Variants in BTBD9 observed in about 807,000 individuals in gnomAD.
BTBD9 encodes BTB domain containing 9, also known as BTB/POZ domain-containing protein 9.
A neutral mutation model predicts 64.3 loss-of-function variants in BTBD9; 49 were observed. That is an observed-to-expected ratio of 0.76 (90% confidence interval 0.61 to 0.97). The LOEUF is 0.97. BTBD9 is among the 50% of genes least tolerant of loss of function. The pLI, the probability that BTBD9 is intolerant of heterozygous loss-of-function variation, is 0.00. For missense variants in BTBD9, 598 were observed against 762.1 expected, an observed-to-expected ratio of 0.78 and a Z score of 2.53; for synonymous variants, 260 against 274.7, an observed-to-expected ratio of 0.95 and a Z score of 0.53.
At chr6:38,622,570 A>G (rs1739627) in intron 1 of BTBD9, among the ~76,000 whole-genome samples, 99,762 of 152,032 alleles carry the variant, frequency 0.66, 33,113 homozygotes, top group African/African-American at 0.76. Flanking sequence ...CTAATAGGAT[A>G]CGCAATCCAG....
chr6:38,429,477 A>G (rs1482095585), intron 6 of BTBD9, among the ~76,000 whole-genome samples: 1 of 151,338 alleles, frequency 6.6e-6, no homozygotes, highest in Non-Finnish European at 1.5e-5. Flanking sequence ...AAAAAGAAAG[A>G]AAAACGGATT....
intron 7 of BTBD9, among the ~76,000 whole-genome samples, chr6:38,299,737 A>C (rs1263748846): frequency 1.3e-5 from 2 of 152,022 alleles, no homozygotes; most frequent in Non-Finnish European, 2.9e-5. Context: ...GTTGGAGTTC[A>C]TTGTAGATTC....
chr6:38,199,326 GT>G (rs2127491198), intron 9 of BTBD9, among the ~76,000 whole-genome samples: 1 of 151,782 alleles, frequency 6.6e-6, no homozygotes, highest in African/African-American at 2.4e-5. Context: ...AGACTGGAGA[GT>G]CCCTTTCGGG....
At chr6:38,441,425 G>A (rs1475234223) in intron 6 of BTBD9, among the ~76,000 whole-genome samples, 1 of 152,094 alleles carries the variant, frequency 6.6e-6, no homozygotes, top group Non-Finnish European at 1.5e-5. Context: ...TATCCTAGGA[G>A]ATGTTTTTGT....
chr6:38,411,787 G>A (rs1400674566), intron 6 of BTBD9, among the ~76,000 whole-genome samples: 1 of 151,906 alleles, frequency 6.6e-6, no homozygotes, highest in Non-Finnish European at 1.5e-5. Flanking sequence ...AACATTAAAA[G>A]TCAGCCAGAC....
At chr6:38,589,116 C>G (rs1239884549) in intron 4 of BTBD9, among the ~76,000 whole-genome samples, 3 of 152,184 alleles carry the variant, frequency 2.0e-5, no homozygotes, top group Non-Finnish European at 4.4e-5. Flanking sequence ...TTTACATAGT[C>G]TCTTCCTTGA....
chr6:38,484,270 G>T (rs1447527764), intron 6 of BTBD9, among the ~76,000 whole-genome samples: 4 of 152,022 alleles, frequency 2.6e-5, no homozygotes, highest in Admixed American at 2.6e-4. Context: ...TATTCTTCAG[G>T]GGTAATCATT....
At chr6:38,583,875 C>A (rs1156972646) in intron 4 of BTBD9, among the ~76,000 whole-genome samples, 1 of 152,088 alleles carries the variant, frequency 6.6e-6, no homozygotes, top group Admixed American at 6.5e-5. Context: ...AAAAATATAA[C>A]TCCAAGAATT....
chr6:38,211,487 A>G (rs1037116444), intron 9 of BTBD9, among the ~76,000 whole-genome samples: 10 of 151,136 alleles, frequency 6.6e-5, no homozygotes, highest in Non-Finnish European at 8.8e-5. Context: ...TCACACCTAT[A>G]ATCCCAGCAC....
intron 6 of BTBD9, among the ~76,000 whole-genome samples, chr6:38,384,445 C>G (rs796110777): frequency 1.2e-4 from 18 of 152,236 alleles, no homozygotes; most frequent in African/African-American, 4.3e-4. Flanking sequence ...GAGCTTAGGC[C>G]TTTGGCAAAT....
chr6:38,219,315 T>C (rs1353010543), intron 9 of BTBD9, among the ~76,000 whole-genome samples: 1 of 150,286 alleles, frequency 6.7e-6, no homozygotes, highest in Non-Finnish European at 1.5e-5. Context: ...TTTTTTTTTT[T>C]TGTATTTTAG....
intron 7 of BTBD9, among the ~76,000 whole-genome samples, chr6:38,328,044 CT>C (rs762554241): frequency 6.6e-6 from 1 of 152,136 alleles, no homozygotes; most frequent in Non-Finnish European, 1.5e-5. Context: ...GTGGAAATAA[CT>C]TTTTTAAAAT....
intron 7 of BTBD9, among the ~76,000 whole-genome samples, chr6:38,317,339 T>C (rs2127574090): frequency 6.6e-6 from 1 of 152,334 alleles, no homozygotes; most frequent in African/African-American, 2.4e-5. Flanking sequence ...TTCTGGCCTG[T>C]AGGTTTGCAC....
At chr6:38,228,369 AAGAG>A (rs200547349) in intron 9 of BTBD9, among the ~76,000 whole-genome samples, 1 of 147,174 alleles carries the variant, frequency 6.8e-6, no homozygotes, top group African/African-American at 2.5e-5. Context: ...AAAAAAAAAA[AAGAG>A]AGAGAGTAAA....
rs149199993 is a variant in BTBD9, at chr6:38,220,202, G to A, written c.1563-27605C>T. Among the ~76,000 whole-genome samples the A allele has an allele frequency of 1.5e-3, 229 of 152,298 alleles. 5 individuals carry two copies. In the East Asian group the frequency reaches 0.031, roughly 21 times the overall value. On this transcript the variant is annotated intron_variant, in intron 9 of 10. Coordinates refer to ENST00000481247, the MANE Select transcript of BTBD9 (RefSeq NM_001099272.2). Reference sequence around the variant, plus strand: ...TGGTGAGCGTGCCCTCTCAGGGCACGGCCCCACCTTCCTCAGCACTGTGGG... The same window carrying A: ...TGGTGAGCGTGCCCTCTCAGGGCACAGCCCCACCTTCCTCAGCACTGTGGG...
intron 7 of BTBD9, among the ~76,000 whole-genome samples, chr6:38,308,311 A>AT (rs1762699846): frequency 1.3e-5 from 2 of 152,020 alleles, no homozygotes; most frequent in African/African-American, 4.8e-5. Context: ...CAATATCTCT[A>AT]TTTTTTTCTT....
chr6:38,534,049 T>C (rs1483740150), intron 6 of BTBD9, among the ~76,000 whole-genome samples: 1 of 150,820 alleles, frequency 6.6e-6, no homozygotes, highest in East Asian at 1.9e-4. Context: ...TAAATGAAAC[T>C]GAAACAAACA....
chr6:38,457,472 AAG>A (rs1338117439), intron 6 of BTBD9, among the ~76,000 whole-genome samples: 1 of 152,048 alleles, frequency 6.6e-6, no homozygotes, highest in African/African-American at 2.4e-5. Context: ...CTGAAATGTG[AAG>A]AGTTAATTTT....
chr6:38,305,703 C>T (rs560323900), intron 7 of BTBD9, among the ~76,000 whole-genome samples: 5 of 152,054 alleles, frequency 3.3e-5, no homozygotes, highest in Admixed American at 6.5e-5. Flanking sequence ...AGGCTGGTCT[C>T]GAACTTGTGA....
Sources: allele counts gnomAD v4.1 joint callset (sites outside exome capture counted in the v4.1 genomes callset), GRCh38; gene constraint gnomAD v4.1.1; transcripts MANE v1.5; gene names NCBI Gene and HGNC (gene_info 2026-07-23, HGNC 2026-07-21).